Variants in PRRX1 observed in about 807,000 individuals in gnomAD.
PRRX1 encodes the protein paired related homeobox 1.
In PRRX1, 8 loss-of-function variants were observed where a neutral mutation model predicts 24.0. The ratio of observed to expected loss-of-function variants is 0.33; its 90% confidence interval spans 0.20 to 0.60. PRRX1 has a LOEUF of 0.60. PRRX1 is among the 20% of genes least tolerant of loss of function. PRRX1 has a pLI of 0.82. For missense variants in PRRX1, 281 were observed against 322.4 expected (o/e 0.87, Z 0.98); for synonymous variants, 160 against 131.7 (o/e 1.22, Z -1.47).
chr1:170,710,957 A>G (rs1442626874), intron 1 of PRRX1, among the ~76,000 whole-genome samples: 2 of 152,198 alleles, frequency 1.3e-5, no homozygotes, highest in African/African-American at 2.4e-5. Context: ...CCAACAACCC[A>G]TTTTACAGAT....
chr1:170,662,773 GA>G (rs1028216498), upstream of PRRX1: 27 of 151,708 alleles, frequency 1.8e-4, 1 homozygote, highest in African/African-American at 6.5e-4. Context: ...AAGGCAGAAG[GA>G]GAAGAAAATT....
At chr1:170,696,517 T>C (rs1405598973) in intron 1 of PRRX1, among the ~76,000 whole-genome samples, 1 of 152,140 alleles carries the variant, frequency 6.6e-6, no homozygotes, top group African/African-American at 2.4e-5. Context: ...CACTCAATGA[T>C]TCTTACGAAT....
At chr1:170,736,017 A>T in intron 3 of PRRX1, 31 bp from the exon 4 acceptor site, 1 of 1,613,552 alleles carries the variant, frequency 6.2e-7, no homozygotes, top group Non-Finnish European at 8.5e-7. Context: ...AATGCCTGTT[A>T]TTCTCCCTGC....
intron 1 of PRRX1, among the ~76,000 whole-genome samples, chr1:170,699,565 G>A (rs1037188377): frequency 9.9e-5 from 15 of 152,130 alleles, no homozygotes; most frequent in African/African-American, 3.6e-4. Flanking sequence ...CCACAAGACT[G>A]AAGGGAAAAT....
At position 170,726,379 on chromosome 1, in the gene PRRX1, TG is replaced by T; in HGVS notation, c.582del (p.Thr195GlnfsTer33). The T allele has an allele frequency of 6.2e-7, 1 of 1,614,002 alleles. No individual in the cohort carries two copies. Among genetic ancestry groups the T allele is most frequent in the Non-Finnish European group, 8.5e-7 (1 of 1,179,894 alleles). Reference sequence around the variant, plus strand: ...TCCGAGACCCACCGATTATCTCTCCTGGGGGACAGCGTCTCCGTACAGGTGA... The same window carrying T: ...TCCGAGACCCACCGATTATCTCTCCTGGGGACAGCGTCTCCGTACAGGTGA... Reference protein sequence around the residue: ...PAPRPTDYLSWGTASPYSAMA... With the variant: ...PAPRPTDYLSXGTASPYSAMA... On this transcript the variant is annotated frameshift_variant, in exon 3 of 4. Transcript: ENST00000239461. LOFTEE classifies it high-confidence loss of function.
intron 1 of PRRX1, among the ~76,000 whole-genome samples, chr1:170,700,124 A>AC (rs780869470): frequency 6.6e-6 from 1 of 151,988 alleles, no homozygotes; most frequent in Non-Finnish European, 1.5e-5. Flanking sequence ...TCCTATGGCC[A>AC]TTTTTTTTAA....
chr1:170,689,753 A>G (rs1039559635), intron 1 of PRRX1, among the ~76,000 whole-genome samples: 2 of 151,642 alleles, frequency 1.3e-5, no homozygotes, highest in Non-Finnish European at 2.9e-5. Flanking sequence ...TGGGATACAC[A>G]GGTTGGGTTG....
chr1:170,665,907 G>T (rs1245550515), intron 1 of PRRX1, among the ~76,000 whole-genome samples: 1 of 152,226 alleles, frequency 6.6e-6, no homozygotes, highest in Non-Finnish European at 1.5e-5. Flanking sequence ...ACCAGAGAAA[G>T]GTGGCCAACT....
intron 3 of PRRX1, 56 bp from the exon 4 acceptor site, chr1:170,735,992 C>A (rs1655588811): frequency 6.2e-7 from 1 of 1,608,280 alleles, no homozygotes; most frequent in Admixed American, 1.7e-5. Context: ...CACAGACTTG[C>A]AGCTTTGTGA....
At chr1:170,713,727 T>A (rs1252966584) in intron 1 of PRRX1, among the ~76,000 whole-genome samples, 1 of 152,226 alleles carries the variant, frequency 6.6e-6, no homozygotes, top group East Asian at 1.9e-4. Context: ...AGAGAACATA[T>A]GTCATTTCCC....
chr1:170,718,208 T>C (rs1316750562), intron 1 of PRRX1, among the ~76,000 whole-genome samples: 1 of 152,238 alleles, frequency 6.6e-6, no homozygotes, highest in African/African-American at 2.4e-5. Context: ...GCATTTACTA[T>C]ATCTGGGTGC....
At chr1:170,697,370 C>T (rs753434533) in intron 1 of PRRX1, among the ~76,000 whole-genome samples, 1 of 152,100 alleles carries the variant, frequency 6.6e-6, no homozygotes, top group South Asian at 2.1e-4. Flanking sequence ...ACATAATCTT[C>T]CAAGTGTGAT....
intron 1 of PRRX1, among the ~76,000 whole-genome samples, chr1:170,705,995 C>T (rs148317576): frequency 1.5e-3 from 225 of 151,890 alleles, no homozygotes; most frequent in African/African-American, 5.2e-3. Flanking sequence ...TTATGCCCCC[C>T]ACCCTTAAAT....
At chr1:170,684,484 G>A (rs1653663499) in intron 1 of PRRX1, among the ~76,000 whole-genome samples, 1 of 152,216 alleles carries the variant, frequency 6.6e-6, no homozygotes, top group Admixed American at 6.5e-5. Context: ...TGGGCGGGAT[G>A]GCTCATGCCT....
chr1:170,705,917 G>GACACACACACACACACACACAC, intron 1 of PRRX1, among the ~76,000 whole-genome samples: 1 of 123,766 alleles, frequency 8.1e-6, no homozygotes, highest in East Asian at 2.3e-4. Flanking sequence ...TACCCACATA[G>GACACACACACACACACACACAC]ACACACACAC....
intron 1 of PRRX1, among the ~76,000 whole-genome samples, chr1:170,701,202 G>A (rs1387546479): frequency 6.6e-6 from 1 of 151,898 alleles, no homozygotes; most frequent in Non-Finnish European, 1.5e-5. Context: ...TCCTTCCTTT[G>A]CATCACAGCT....
At chr1:170,674,388 G>A (rs1326078932) in intron 1 of PRRX1, among the ~76,000 whole-genome samples, 1 of 152,136 alleles carries the variant, frequency 6.6e-6, no homozygotes, top group Non-Finnish European at 1.5e-5. Context: ...AAGTGTCCTT[G>A]CTCTGTGCCT....
At chr1:170,730,214 G>A in intron 3 of PRRX1, 1 of 1,365,996 alleles carries the variant, frequency 7.3e-7, no homozygotes, top group East Asian at 2.3e-5. Context: ...CGTGGTCATG[G>A]TGCTGCCTGA....
chr1:170,687,966 A>C (rs890765753), intron 1 of PRRX1, among the ~76,000 whole-genome samples: 12 of 152,174 alleles, frequency 7.9e-5, no homozygotes, highest in Non-Finnish European at 1.5e-4. Flanking sequence ...GAAAGGAGAA[A>C]GAGAAGGACC....
Sources: allele counts gnomAD v4.1 joint callset (sites outside exome capture counted in the v4.1 genomes callset), GRCh38; gene constraint gnomAD v4.1.1; transcripts MANE v1.5; gene names NCBI Gene and HGNC (gene_info 2026-07-23, HGNC 2026-07-21).